PLEKHA8: variants seen among roughly 807,000 people sequenced by gnomAD.
The protein encoded by PLEKHA8 is pleckstrin homology domain containing A8.
Under a neutral mutation model 68.2 loss-of-function variants are expected in PLEKHA8, and 36 were observed. That is an observed-to-expected ratio of 0.53 (90% CI 0.40 to 0.70). The LOEUF is 0.70. PLEKHA8 is among the 30% of genes least tolerant of loss of function. The probability of loss-of-function intolerance (pLI) is 0.00; values close to 1 mark genes in which losing one functional copy is unlikely to be tolerated. For missense variants in PLEKHA8, 505 were observed against 615.4 expected (o/e 0.82, Z 1.90); for synonymous variants, 211 against 216.1 (o/e 0.98, Z 0.20).
At chr7:30,128,377 G>C (rs1482507356) in intron 13 of PLEKHA8, among the ~76,000 whole-genome samples, 3 of 152,184 alleles carry the variant, frequency 2.0e-5, no homozygotes, top group Non-Finnish European at 4.4e-5. Flanking sequence ...AGAGTGCTGG[G>C]ATTATAGGTG....
intron 13 of PLEKHA8, 22 bp downstream of exon 13, chr7:30,074,154 C>T (rs1794453713): frequency 1.3e-6 from 2 of 1,599,468 alleles, no homozygotes; most frequent in South Asian, 1.1e-5. Context: ...TTCTTGTCTC[C>T]TATTATTAAC....
At chr7:30,056,003 C>T (rs867149377) in intron 9 of PLEKHA8, among the ~76,000 whole-genome samples, 5 of 147,274 alleles carry the variant, frequency 3.4e-5, no homozygotes, top group East Asian at 2.0e-4. Context: ...AGTGCAGTGG[C>T]GGGATCTCCA....
intron 13 of PLEKHA8, among the ~76,000 whole-genome samples, chr7:30,076,800 G>A (rs377720237): frequency 7.9e-5 from 12 of 152,248 alleles, no homozygotes; most frequent in African/African-American, 2.4e-4. Context: ...ACTTTGGAAG[G>A]TTTATAAGTT....
intron 13 of PLEKHA8, among the ~76,000 whole-genome samples, chr7:30,115,446 G>A (rs1317487381): frequency 6.6e-6 from 1 of 151,786 alleles, no homozygotes; most frequent in African/African-American, 2.4e-5. Context: ...ATATATACAT[G>A]TATATATGTA....
chr7:30,102,144 T>C (rs1222544109), intron 13 of PLEKHA8, among the ~76,000 whole-genome samples: 1 of 152,144 alleles, frequency 6.6e-6, no homozygotes, highest in Non-Finnish European at 1.5e-5. Context: ...GACATTTCTC[T>C]AAAGAAGACA....
chr7:30,107,070 C>T (rs1005067438), intron 13 of PLEKHA8, among the ~76,000 whole-genome samples: 2 of 151,966 alleles, frequency 1.3e-5, no homozygotes, highest in African/African-American at 4.8e-5. Context: ...TGAGAAATAC[C>T]TTATTAGAAT....
chr7:30,078,861 C>A lies in PLEKHA8; in HGVS notation c.*74C>A. 1 of 1,526,774 alleles carries A rather than the reference C, an allele frequency of 6.5e-7. No homozygotes were observed. The highest frequency in any genetic ancestry group is 1.3e-5 in the South Asian group (1 of 77,400). The allele number at this position is 1,526,774 out of a possible 1,614,324, so 94.6% of individuals were successfully genotyped here. A position where few individuals can be genotyped will look rare whatever the true frequency, so the allele number is the denominator to read the frequency against. ...TTTTGTTGCCCTACTTAATTTCCAGCAACAGCCTCAACCCTCTCCAACCCC... is the reference window on the plus strand; with the variant it reads ...TTTTGTTGCCCTACTTAATTTCCAGAAACAGCCTCAACCCTCTCCAACCCC... On this transcript the variant is annotated 3_prime_UTR_variant, in exon 14 of 14. Transcript: ENST00000449726.
intron 13 of PLEKHA8, among the ~76,000 whole-genome samples, chr7:30,109,594 A>G (rs1255647086): frequency 7.6e-6 from 1 of 132,272 alleles, no homozygotes; most frequent in African/African-American, 2.8e-5. Flanking sequence ...CTCAAAAAAA[A>G]AAAAAAAAAA....
intron 13 of PLEKHA8, among the ~76,000 whole-genome samples, chr7:30,114,458 T>C (rs1252958709): frequency 6.6e-6 from 1 of 152,236 alleles, no homozygotes; most frequent in Non-Finnish European, 1.5e-5. Context: ...TCTGCGCTCT[T>C]AGCTACCGTG....
chr7:30,065,857 C>G (rs557898695), intron 12 of PLEKHA8, among the ~76,000 whole-genome samples: 23 of 152,276 alleles, frequency 1.5e-4, no homozygotes, highest in African/African-American at 5.3e-4. Context: ...ATCGGTGGTT[C>G]TCAAGCTGTT....
chr7:30,034,050 A>C, intron 1 of PLEKHA8, among the ~76,000 whole-genome samples: 1 of 84,292 alleles, frequency 1.2e-5, no homozygotes, highest in South Asian at 4.2e-4. Flanking sequence ...TTTGAGACAG[A>C]GTCTTACTCT....
rs1793296092 is a variant in PLEKHA8, at chr7:30,059,836, T to TCAA, written c.1040-1048_1040-1047insCAA. On this transcript the variant is annotated intron_variant, in intron 9 of 13. Transcript: ENST00000449726. ...TTAACATAGTAAACACAAATTAATT[T>TCAA]TAATTATTTTAAAACCTAGAATATC... 3.3e-4 allele frequency among the ~76,000 whole-genome samples: 49 copies of TCAA among 147,352 alleles called. 1 individual carries two copies. The South Asian group carries it at 0.01, about 31-fold the overall frequency.
intron 13 of PLEKHA8, among the ~76,000 whole-genome samples, chr7:30,103,922 A>G (rs968715849): frequency 6.6e-6 from 1 of 152,238 alleles, no homozygotes; most frequent in African/African-American, 2.4e-5. Context: ...AAAAAATACA[A>G]GCCATAGATG....
intron 12 of PLEKHA8, among the ~76,000 whole-genome samples, chr7:30,089,854 T>G (rs1015763902): frequency 6.6e-6 from 1 of 152,052 alleles, no homozygotes; most frequent in Admixed American, 6.6e-5. Context: ...ATAAGAAAAC[T>G]TCCCTAAAAT....
At chr7:30,115,706 A>G (rs1167109912) in intron 13 of PLEKHA8, 4 of 120,392 alleles carry the variant, frequency 3.3e-5, no homozygotes, top group African/African-American at 1.2e-4. Context: ...GTATACATGT[A>G]TACATACGCG....
chr7:30,084,025 T>C lies in PLEKHA8; in HGVS notation c.*5238T>C. The C allele has an allele frequency of 2.0e-6, 2 of 985,390 alleles. No individual in the cohort carries two copies. The highest frequency in any genetic ancestry group is 2.4e-6 in the Non-Finnish European group (2 of 829,884). The allele number at this position is 985,390 out of a possible 1,614,324, so 61.0% of individuals were successfully genotyped here. A position where few individuals can be genotyped will look rare whatever the true frequency, so the allele number is the denominator to read the frequency against. On this transcript the variant is annotated 3_prime_UTR_variant, in exon 14 of 14. Transcript: ENST00000449726. ...GCATGTTTAATGTATAATTCCCATG[T>C]ATCATGAGAATTTCACTAGAATGTC... is the stretch of plus-strand genomic sequence containing the variant.
chr7:30,123,812 C>T (rs1412311582), intron 13 of PLEKHA8, among the ~76,000 whole-genome samples: 1 of 152,186 alleles, frequency 6.6e-6, no homozygotes, highest in Non-Finnish European at 1.5e-5. Flanking sequence ...TTAGCCATGC[C>T]TGAAGTTATC....
chr7:30,090,345 A>G lies in PLEKHA8; in HGVS notation c.*170A>G. The G allele has an allele frequency of 4.0e-6, 3 of 749,852 alleles. No homozygotes were observed. In the South Asian group the frequency reaches 6.8e-5, roughly 17 times the overall value. 46.4% of individuals were successfully genotyped at this position (749,852 alleles called of 1,614,324 possible). On this transcript the variant is annotated 3_prime_UTR_variant, in exon 13 of 13. Coordinates refer to the PLEKHA8 transcript ENST00000258679. ...TCCGAAGTTCTGAGTAGGAAAAAAG[A>G]ATGACTCAAATGTATTATTGCCAAC... is the stretch of plus-strand genomic sequence containing the variant.
chr7:30,074,159 A>T (rs749836452), intron 13 of PLEKHA8, 27 bp downstream of exon 13: 1 of 1,590,832 alleles, frequency 6.3e-7, no homozygotes, highest in South Asian at 1.1e-5. Context: ...GTCTCCTATT[A>T]TTAACTGTAT....
Sources: allele counts gnomAD v4.1 joint callset (sites outside exome capture counted in the v4.1 genomes callset), GRCh38; gene constraint gnomAD v4.1.1; transcripts MANE v1.5; gene names NCBI Gene and HGNC (gene_info 2026-07-23, HGNC 2026-07-21).